Variants in TTC28 observed in about 807,000 individuals in gnomAD.
The protein encoded by TTC28 is tetratricopeptide repeat protein 28.
Under a neutral mutation model 198.0 loss-of-function variants are expected in TTC28, and 61 were observed. That is an observed-to-expected ratio of 0.31 (90% CI 0.25 to 0.38). The LOEUF is 0.38. TTC28 is among the 10% of genes least tolerant of loss of function. The pLI is 1.00. For missense variants in TTC28, 2,678 were observed against 3,164.0 expected, an observed-to-expected ratio of 0.85 and a Z score of 3.69; for synonymous variants, 1,171 against 1,297.8, an observed-to-expected ratio of 0.90 and a Z score of 2.10.
chr22:28,202,380 T>C (rs1053791266), intron 5 of TTC28, among the ~76,000 whole-genome samples: 2 of 151,624 alleles, frequency 1.3e-5, no homozygotes, highest in African/African-American at 4.9e-5. Flanking sequence ...CTACTAAAAA[T>C]ACAAAAATTA....
rs188394324 is a variant in TTC28, at chr22:28,530,508, T to C, written c.381+99044A>G. 2.3e-4 allele frequency among the ~76,000 whole-genome samples: 35 copies of C among 152,190 alleles called. No individual in the cohort carries two copies. The East Asian group carries it at 4.3e-3, about 18-fold the overall frequency. On this transcript the variant is annotated intron_variant, in intron 2 of 22. Coordinates refer to ENST00000397906, the MANE Select transcript of TTC28 (RefSeq NM_001145418.2). The stretch of plus-strand genomic sequence containing the variant: ...TCTCAGGATATTATCCAGGAGAACT[T>C]CCCCAACCTAGCAAGGCAGGCCAAC...
chr22:28,358,710 G>T (rs1245776101), intron 2 of TTC28, among the ~76,000 whole-genome samples: 1 of 152,142 alleles, frequency 6.6e-6, no homozygotes, highest in African/African-American at 2.4e-5. Context: ...TTCATGCCAA[G>T]GAGAACTTAT....
intron 11 of TTC28, among the ~76,000 whole-genome samples, chr22:28,094,987 C>CTCATTA (rs1941930040): frequency 6.6e-6 from 1 of 152,124 alleles, no homozygotes; most frequent in Admixed American, 6.5e-5. Context: ...CAATAGAAGC[C>CTCATTA]TCATTATACA....
At chr22:28,605,502 C>A (rs1293022190) in intron 2 of TTC28, among the ~76,000 whole-genome samples, 1 of 152,100 alleles carries the variant, frequency 6.6e-6, no homozygotes. Context: ...CAAGAAGAGA[C>A]AGAAACCTTT....
Position 28,285,052 on chromosome 22 carries a change from A to G in TTC28, c.933+11146T>C, listed in dbSNP as rs75410397. On this transcript the variant is annotated intron_variant, in intron 5 of 22. Transcript: ENST00000397906. ...GACATGTCTGAACTCTGTTCACTGC[A>G]GCATTATTCACAATAGCCAAGATAT... Among the ~76,000 whole-genome samples the G allele has an allele frequency of 7.8e-3, 1,194 of 152,364 alleles. 22 individuals are homozygous for G. The highest frequency in any genetic ancestry group is 0.026 in the African/African-American group (1,100 of 41,596).
chr22:28,104,856 G>A (rs1421682858), intron 8 of TTC28, among the ~76,000 whole-genome samples: 1 of 152,182 alleles, frequency 6.6e-6, no homozygotes, highest in African/African-American at 2.4e-5. Flanking sequence ...GGACAACAGA[G>A]CCTGGAGCAG....
intron 12 of TTC28, among the ~76,000 whole-genome samples, chr22:28,072,120 G>A (rs1358911460): frequency 6.6e-6 from 1 of 152,202 alleles, no homozygotes; most frequent in Non-Finnish European, 1.5e-5. Flanking sequence ...AGTGGAAGTG[G>A]ATAGGAAAAG....
intron 12 of TTC28, among the ~76,000 whole-genome samples, chr22:28,069,462 C>T (rs1009835392): frequency 3.9e-5 from 6 of 152,114 alleles, no homozygotes; most frequent in African/African-American, 1.2e-4. Context: ...AGCTGAGAGG[C>T]TCTAATAGGA....
At chr22:28,294,571 T>C (rs969271352) in intron 5 of TTC28, among the ~76,000 whole-genome samples, 2 of 152,078 alleles carry the variant, frequency 1.3e-5, no homozygotes, top group African/African-American at 4.8e-5. Flanking sequence ...GCCTTTTTTT[T>C]TTTTCTTTCC....
intron 2 of TTC28, among the ~76,000 whole-genome samples, chr22:28,616,937 T>C (rs1253944449): frequency 1.3e-5 from 2 of 152,162 alleles, no homozygotes; most frequent in African/African-American, 4.8e-5. Flanking sequence ...AGGTATTTTA[T>C]CATGTACTTT....
intron 1 of TTC28, among the ~76,000 whole-genome samples, chr22:28,661,010 C>T (rs1435223514): frequency 2.0e-5 from 3 of 151,876 alleles, no homozygotes; most frequent in Non-Finnish European, 2.9e-5. Flanking sequence ...TAAGGCCAGC[C>T]GCAGTGGCTT....
At chr22:28,268,571 G>C (rs1411308337) in intron 5 of TTC28, among the ~76,000 whole-genome samples, 2 of 152,182 alleles carry the variant, frequency 1.3e-5, no homozygotes, top group Non-Finnish European at 2.9e-5. Flanking sequence ...TGACATACTA[G>C]TTTGAAAATA....
At chr22:28,519,261 T>C (rs1475668929) in intron 2 of TTC28, among the ~76,000 whole-genome samples, 1 of 152,212 alleles carries the variant, frequency 6.6e-6, no homozygotes, top group Non-Finnish European at 1.5e-5. Flanking sequence ...TATCTATGGA[T>C]AATTCAAAGG....
chr22:28,475,989 T>C (rs2048159962), intron 2 of TTC28, among the ~76,000 whole-genome samples: 1 of 152,180 alleles, frequency 6.6e-6, no homozygotes, highest in South Asian at 2.1e-4. Flanking sequence ...GTCTCCATTG[T>C]TCTACACAAA....
At chr22:28,660,598 A>G (rs2051727179) in intron 1 of TTC28, among the ~76,000 whole-genome samples, 1 of 152,134 alleles carries the variant, frequency 6.6e-6, no homozygotes, top group East Asian at 1.9e-4. Flanking sequence ...TATTCGGCTC[A>G]CTGCAACCTC....
chr22:28,020,778 A>AAC (rs34174077), intron 13 of TTC28, among the ~76,000 whole-genome samples: 28,000 of 148,900 alleles, frequency 0.19, 3,329 homozygotes, highest in African/African-American at 0.33. Context: ...CCCCTCCCCC[A>AAC]ACACACACAC....
At chr22:28,339,212 G>A (rs1387043770) in intron 2 of TTC28, among the ~76,000 whole-genome samples, 1 of 152,114 alleles carries the variant, frequency 6.6e-6, no homozygotes, top group Non-Finnish European at 1.5e-5. Context: ...AGCGGATATT[G>A]GTGAACAGCA....
At chr22:28,185,028 A>T (rs954183512) in intron 5 of TTC28, among the ~76,000 whole-genome samples, 9 of 152,188 alleles carry the variant, frequency 5.9e-5, no homozygotes, top group African/African-American at 1.9e-4. Context: ...ATTGATAGTC[A>T]TGGGACTTTA....
intron 2 of TTC28, among the ~76,000 whole-genome samples, chr22:28,628,655 T>C (rs780324959): frequency 2.6e-5 from 4 of 152,176 alleles, no homozygotes; most frequent in African/African-American, 9.7e-5. Context: ...TAAGAAATTG[T>C]TTCTGCTGGG....
Sources: allele counts gnomAD v4.1 joint callset (sites outside exome capture counted in the v4.1 genomes callset), GRCh38; gene constraint gnomAD v4.1.1; transcripts MANE v1.5; gene names NCBI Gene and HGNC (gene_info 2026-07-23, HGNC 2026-07-21).